Variants in BMPR1B observed in about 807,000 individuals in gnomAD.
BMPR1B encodes the protein bone morphogenetic protein receptor type-1B.
A neutral mutation model predicts 59.1 loss-of-function variants in BMPR1B; 12 were observed. The ratio of observed to expected loss-of-function variants is 0.20; its 90% confidence interval spans 0.13 to 0.33. BMPR1B has a LOEUF of 0.33. Among genes scored for constraint, BMPR1B ranks in the 10% least tolerant of loss-of-function variants. BMPR1B has a pLI of 1.00. For synonymous variants in BMPR1B, 237 were observed against 207.3 expected, an observed-to-expected ratio of 1.14 and a Z score of -1.23; for missense variants, 550 against 610.9, an observed-to-expected ratio of 0.90 and a Z score of 1.05.
intron 4 of BMPR1B, among the ~76,000 whole-genome samples, chr4:95,113,281 G>C (rs1731764309): frequency 6.6e-6 from 1 of 152,156 alleles, no homozygotes; most frequent in African/African-American, 2.4e-5. Flanking sequence ...CTTGGTGTAA[G>C]AGAGGGATTT....
rs562538380 is a variant in BMPR1B at position 94,761,972 on chromosome 4, T to G, written c.-183+3904T>G. On this transcript the variant is annotated intron_variant, in intron 1 of 12. Coordinates refer to ENST00000515059, the MANE Select transcript of BMPR1B (RefSeq NM_001203.3). ...ACTTAAATTGAGTGAAAATAAAACT[T>G]TTTAGGCATAGAGTACAGAGAGAAG... 2.6e-5 allele frequency among the ~76,000 whole-genome samples: 4 copies of G among 152,218 alleles called. No individual in the cohort carries two copies. In the East Asian group the frequency reaches 7.7e-4, roughly 29 times the overall value.
At chr4:94,990,571 A>T (rs1283639040) in intron 2 of BMPR1B, among the ~76,000 whole-genome samples, 1 of 152,216 alleles carries the variant, frequency 6.6e-6, no homozygotes, top group Non-Finnish European at 1.5e-5. Flanking sequence ...CATTTCTTTG[A>T]TGAGGAAACT....
At chr4:94,792,207 T>C (rs1255423296) in intron 1 of BMPR1B, among the ~76,000 whole-genome samples, 2 of 152,214 alleles carry the variant, frequency 1.3e-5, no homozygotes, top group Non-Finnish European at 2.9e-5. Context: ...ATAGATTATA[T>C]TGAACATAAA....
chr4:94,888,237 T>C (rs1727257907), intron 2 of BMPR1B, among the ~76,000 whole-genome samples: 1 of 152,104 alleles, frequency 6.6e-6, no homozygotes, highest in African/African-American at 2.4e-5. Context: ...AGGAATCTAT[T>C]AGAGCATGAG....
intron 2 of BMPR1B, among the ~76,000 whole-genome samples, chr4:94,986,401 C>G (rs1269076848): frequency 6.6e-6 from 1 of 152,170 alleles, no homozygotes; most frequent in Non-Finnish European, 1.5e-5. Flanking sequence ...TTAAAGTAAT[C>G]TCATGAACGT....
Position 94,911,192 on chromosome 4 carries a change from G to T in BMPR1B, c.-113+35292G>T, listed in dbSNP as rs531122469. Among the ~76,000 whole-genome samples, 20 of 152,276 alleles carry T rather than the reference G, an allele frequency of 1.3e-4. 1 individual carries two copies. Among genetic ancestry groups the T allele is most frequent in the Admixed American group, 1.0e-3 (16 of 15,284 alleles). On this transcript the variant is annotated intron_variant, in intron 2 of 12. Coordinates refer to ENST00000515059, the MANE Select transcript of BMPR1B (RefSeq NM_001203.3). ...TCTAAATATTACTGGCTTTGTGCCA[G>T]ACTGAGGATACAGAGATGAGTGAAA...
At chr4:94,871,536 T>C (rs527621116) in intron 1 of BMPR1B, among the ~76,000 whole-genome samples, 1 of 152,314 alleles carries the variant, frequency 6.6e-6, no homozygotes, top group Admixed American at 6.5e-5. Context: ...TCCCCCCACA[T>C]ATTCCATGGA....
chr4:95,114,611 A>G (rs1731873650), intron 4 of BMPR1B, 109 bp from the exon 5 acceptor site: 10 of 968,634 alleles, frequency 1.0e-5, no homozygotes, highest in Non-Finnish European at 1.7e-5. Flanking sequence ...GCAATAAAAC[A>G]AATGATACAC....
intron 10 of BMPR1B, among the ~76,000 whole-genome samples, chr4:95,136,840 G>A (rs1356974668): frequency 6.6e-6 from 1 of 151,844 alleles, no homozygotes; most frequent in Admixed American, 6.6e-5. Flanking sequence ...TATCAATTTT[G>A]TTGATCTTTT....
At chr4:94,868,816 T>G (rs1726359494) in intron 1 of BMPR1B, among the ~76,000 whole-genome samples, 1 of 152,226 alleles carries the variant, frequency 6.6e-6, no homozygotes, top group Admixed American at 6.5e-5. Flanking sequence ...CCTAGTCACT[T>G]TAAAACATAT....
At chr4:94,927,231 C>T (rs1034966403) in intron 2 of BMPR1B, among the ~76,000 whole-genome samples, 11 of 152,134 alleles carry the variant, frequency 7.2e-5, no homozygotes, top group Non-Finnish European at 1.0e-4. Flanking sequence ...CAATTAAATT[C>T]AGCAAATAAT....
chr4:94,941,999 A>G (rs1385638387), intron 2 of BMPR1B, among the ~76,000 whole-genome samples: 1 of 152,240 alleles, frequency 6.6e-6, no homozygotes, highest in Non-Finnish European at 1.5e-5. Flanking sequence ...ATCTGGTTAC[A>G]TAGCTCTTTG....
intron 2 of BMPR1B, among the ~76,000 whole-genome samples, chr4:94,917,275 G>A (rs1728520311): frequency 6.6e-6 from 1 of 152,178 alleles, no homozygotes; most frequent in African/African-American, 2.4e-5. Context: ...TGTAAGAAGG[G>A]GGCTGCTCTC....
chr4:94,772,453 G>C (rs779907902), intron 1 of BMPR1B, among the ~76,000 whole-genome samples: 3 of 152,068 alleles, frequency 2.0e-5, no homozygotes, highest in African/African-American at 4.8e-5. Context: ...GGAAAGCAAG[G>C]TTTAAAATGA....
chr4:94,925,414 G>T (rs1488509851), intron 2 of BMPR1B, among the ~76,000 whole-genome samples: 1 of 152,138 alleles, frequency 6.6e-6, no homozygotes, highest in African/African-American at 2.4e-5. Context: ...AATTAATGAT[G>T]TCAAAGATAA....
chr4:94,807,077 T>C (rs952712868), intron 1 of BMPR1B, among the ~76,000 whole-genome samples: 1 of 152,168 alleles, frequency 6.6e-6, no homozygotes, highest in Admixed American at 6.5e-5. Context: ...GTATAATTTT[T>C]ATTATAAATG....
intron 3 of BMPR1B, among the ~76,000 whole-genome samples, chr4:95,055,247 G>A (rs1166669855): frequency 6.6e-6 from 1 of 152,044 alleles, no homozygotes; most frequent in Non-Finnish European, 1.5e-5. Flanking sequence ...GTCTGGCCTA[G>A]TTGACACTAA....
At chr4:95,000,204 C>G (rs1722341399) in intron 3 of BMPR1B, among the ~76,000 whole-genome samples, 1 of 151,158 alleles carries the variant, frequency 6.6e-6, no homozygotes, top group Non-Finnish European at 1.5e-5. Flanking sequence ...AAACATCTTC[C>G]AGACATTGAA....
intron 2 of BMPR1B, among the ~76,000 whole-genome samples, chr4:94,961,033 A>G (rs1439174191): frequency 1.3e-5 from 2 of 152,116 alleles, no homozygotes; most frequent in Non-Finnish European, 2.9e-5. Context: ...AGTCTTTCAG[A>G]ATTGTGGAGT....
Sources: allele counts gnomAD v4.1 joint callset (sites outside exome capture counted in the v4.1 genomes callset), GRCh38; gene constraint gnomAD v4.1.1; transcripts MANE v1.5; gene names NCBI Gene and HGNC (gene_info 2026-07-23, HGNC 2026-07-21).